MED12L: variants seen among roughly 807,000 people sequenced by gnomAD.
MED12L encodes mediator of RNA polymerase II transcription subunit 12-like protein.
A neutral mutation model predicts 281.3 loss-of-function variants in MED12L; 60 were observed. The observed-to-expected ratio is 0.21, with a 90% confidence interval of 0.17 to 0.26. The LOEUF (loss-of-function observed/expected upper bound fraction) is 0.26, where lower values mean the gene tolerates loss of function less well. Ranked by LOEUF, MED12L falls within the 10% of genes least tolerant of loss-of-function variation. The pLI is 1.00. For missense variants in MED12L, 2,146 were observed against 2,680.9 expected, an observed-to-expected ratio of 0.80 and a Z score of 4.41; for synonymous variants, 974 against 987.2, an observed-to-expected ratio of 0.99 and a Z score of 0.25.
intron 11 of MED12L, among the ~76,000 whole-genome samples, chr3:151,172,675 T>G (rs1560118684): frequency 1.3e-5 from 2 of 152,214 alleles, no homozygotes; most frequent in South Asian, 4.1e-4. Flanking sequence ...TGTTGTTGTT[T>G]AAGGAAAAAA....
intron 5 of MED12L, among the ~76,000 whole-genome samples, chr3:151,144,058 A>G (rs1717415134): frequency 2.0e-5 from 3 of 152,222 alleles, no homozygotes; most frequent in African/African-American, 7.2e-5. Context: ...GCCCTGGAGA[A>G]GGAGCTGAGC....
intron 2 of MED12L, among the ~76,000 whole-genome samples, chr3:151,093,960 T>A (rs1196625553): frequency 6.6e-6 from 1 of 152,196 alleles, no homozygotes. Flanking sequence ...TTTAGGAGGT[T>A]GGAGGACCAC....
chr3:151,101,447 T>G (rs11713719), intron 2 of MED12L, among the ~76,000 whole-genome samples: 1 of 151,922 alleles, frequency 6.6e-6, no homozygotes, highest in Non-Finnish European at 1.5e-5. Flanking sequence ...AGTGATGGAG[T>G]TGGACTCTCT....
At chr3:151,406,443 G>A (rs1393206033) in intron 39 of MED12L, among the ~76,000 whole-genome samples, 1 of 152,160 alleles carries the variant, frequency 6.6e-6, no homozygotes, top group Non-Finnish European at 1.5e-5. Context: ...CTTTTTAGGA[G>A]CACATGATGA....
chr3:151,233,312 A>G (rs993811183), intron 16 of MED12L, among the ~76,000 whole-genome samples: 2 of 152,198 alleles, frequency 1.3e-5, no homozygotes, highest in Non-Finnish European at 2.9e-5. Flanking sequence ...GCTACCATTC[A>G]TTTTGAGTTT....
Position 151,312,533 on chromosome 3 carries a change from T to A in MED12L, c.2251-37526T>A, listed in dbSNP as rs573056416. Among the ~76,000 whole-genome samples, 16 of 152,182 alleles carry A rather than the reference T, an allele frequency of 1.1e-4. No individual in the cohort carries two copies. In the South Asian group the frequency reaches 3.1e-3, roughly 30 times the overall value. On this transcript the variant is annotated intron_variant, in intron 16 of 44. Transcript: ENST00000687756. Reference sequence around the variant, plus strand: ...AGACTCAAGGACTTGGAAAACAAAGTTTCACTTTGTTATATGTCCTCCAGA... The same window carrying A: ...AGACTCAAGGACTTGGAAAACAAAGATTCACTTTGTTATATGTCCTCCAGA...
chr3:151,222,522 C>T (rs1729570442), intron 16 of MED12L, among the ~76,000 whole-genome samples: 1 of 152,152 alleles, frequency 6.6e-6, no homozygotes, highest in African/African-American at 2.4e-5. Flanking sequence ...GGATGGGTCT[C>T]ATGAGATCTG....
intron 11 of MED12L, among the ~76,000 whole-genome samples, chr3:151,177,819 C>T (rs1722242649): frequency 6.6e-6 from 1 of 152,144 alleles, no homozygotes; most frequent in Non-Finnish European, 1.5e-5. Flanking sequence ...TTACTGCTAA[C>T]TACCTGTAGT....
intron 2 of MED12L, among the ~76,000 whole-genome samples, chr3:151,090,403 A>G (rs556592841): frequency 2.0e-5 from 3 of 152,320 alleles, no homozygotes; most frequent in Non-Finnish European, 2.9e-5. Context: ...CTTTTCTGAT[A>G]TATCATTTAC....
In MED12L at chr3:151,409,261, G is replaced by C. The variant is rs1418983784; in HGVS notation, c.5839G>C (p.Ala1947Pro). The C allele has an allele frequency of 1.2e-6, 2 of 1,607,744 alleles. No individual in the cohort carries two copies. Among genetic ancestry groups the C allele is most frequent in the Non-Finnish European group, 8.5e-7 (1 of 1,178,070 alleles). ...PFQQGQPGDQ[A>P]ALFAAQARPS... Reference sequence around the variant, plus strand: ...TTTCCAGGGCCAGCCGGGGGACCAGGCTGCTCTCTTTGCTGCGCAAGCACG... The same window carrying C: ...TTTCCAGGGCCAGCCGGGGGACCAGCCTGCTCTCTTTGCTGCGCAAGCACG... The change falls in exon 40 of 45, where the codon GCT (alanine) becomes CCT (proline). Residue 1947 changes from alanine (A) to proline (P), a missense_variant. Ala to Pro is a conservative substitution (Grantham distance 27). Coordinates refer to ENST00000687756, the MANE Select transcript of MED12L (RefSeq NM_001393769.1).
rs1205959992 is a variant in MED12L at position 151,434,265 on chromosome 3, C to A, written c.*1461C>A. The A allele has an allele frequency of 6.6e-6, 1 of 152,122 alleles. No individual in the cohort carries two copies. Among genetic ancestry groups the A allele is most frequent in the African/African-American group, 2.4e-5 (1 of 41,436 alleles). The allele number at this position is 152,122 out of a possible 1,614,324, so 9.4% of individuals were successfully genotyped here. ...CTAGTACAACTTTAGTAGACATTTT[C>A]TTTTGCAAATCATTATCTATAAATA... On this transcript the variant is annotated 3_prime_UTR_variant, in exon 45 of 45. Transcript: ENST00000687756.
chr3:151,320,383 G>C (rs946591394), intron 16 of MED12L, among the ~76,000 whole-genome samples: 3 of 152,152 alleles, frequency 2.0e-5, no homozygotes, highest in African/African-American at 7.2e-5. Context: ...CATGTGGCTG[G>C]AACATGCAAC....
At chr3:151,396,601 G>A (rs1278136182) in intron 39 of MED12L, among the ~76,000 whole-genome samples, 2 of 152,154 alleles carry the variant, frequency 1.3e-5, no homozygotes, top group Admixed American at 6.5e-5. Flanking sequence ...ACTCCAGCCC[G>A]GTCAACAGAG....
At chr3:151,253,583 T>C (rs779932889) in intron 16 of MED12L, among the ~76,000 whole-genome samples, 1 of 152,186 alleles carries the variant, frequency 6.6e-6, no homozygotes, top group East Asian at 1.9e-4. Flanking sequence ...TTAATTCTAC[T>C]TAGGCCACCC....
chr3:151,280,088 A>C (rs979116821), intron 16 of MED12L, among the ~76,000 whole-genome samples: 3 of 152,216 alleles, frequency 2.0e-5, no homozygotes, highest in African/African-American at 4.8e-5. Flanking sequence ...CTTGCCTCTT[A>C]ATGCCAGGAG....
intron 16 of MED12L, among the ~76,000 whole-genome samples, chr3:151,253,964 T>C (rs906403501): frequency 2.0e-5 from 3 of 151,614 alleles, no homozygotes; most frequent in East Asian, 1.9e-4. Context: ...AATGGATACA[T>C]TTGATATACC....
At chr3:151,385,570 C>G (rs1311476677) in intron 36 of MED12L, among the ~76,000 whole-genome samples, 1 of 151,852 alleles carries the variant, frequency 6.6e-6, no homozygotes, top group East Asian at 1.9e-4. Flanking sequence ...AGCATGGTGG[C>G]ACATGTCTTT....
At chr3:151,217,619 A>C (rs1328402641) in intron 16 of MED12L, among the ~76,000 whole-genome samples, 3 of 152,292 alleles carry the variant, frequency 2.0e-5, no homozygotes, top group Admixed American at 6.5e-5. Context: ...GGTTTTAGAC[A>C]TGCTGGTTGG....
At chr3:151,246,588 A>T (rs979410219) in intron 16 of MED12L, among the ~76,000 whole-genome samples, 5 of 152,174 alleles carry the variant, frequency 3.3e-5, no homozygotes, top group Middle Eastern at 3.2e-3. Context: ...CTGAAACTGG[A>T]TCCCTTTCTT....
Sources: gnomAD v4.1 joint callset for allele counts (sites outside exome capture counted in the v4.1 genomes callset) on GRCh38, gnomAD v4.1.1 for gene constraint, MANE v1.5 for transcripts, NCBI Gene and HGNC (gene_info 2026-07-23, HGNC 2026-07-21) for gene names.